The following KLHL15 variants were observed in gnomAD, a reference collection of about 807,000 sequenced individuals.
The protein encoded by KLHL15 is kelch-like protein 15.
A neutral mutation model predicts 29.3 loss-of-function variants in KLHL15; 1 was observed. The ratio of observed to expected loss-of-function variants is 0.03; its 90% CI spans 0.01 to 0.16. The LOEUF (loss-of-function observed/expected upper bound fraction) is 0.16. KLHL15 is among the 10% of genes least tolerant of loss of function. KLHL15 has a pLI of 1.00. For synonymous variants in KLHL15, 212 were observed against 184.5 expected, an observed-to-expected ratio of 1.15 and a Z score of -1.21; for missense variants, 215 against 478.5, an observed-to-expected ratio of 0.45 and a Z score of 5.14.
intron 3 of KLHL15, among the ~76,000 whole-genome samples, chrX:23,995,732 C>G (rs1283514551): frequency 1.9e-5 from 2 of 104,353 alleles, no homozygotes; most frequent in East Asian, 6.1e-4. Flanking sequence ...GCCTAGCCAG[C>G]CAATTTAAGA....
At chrX:23,991,052 A>G (rs772303866) in intron 3 of KLHL15, among the ~76,000 whole-genome samples, 14 of 110,313 alleles carry the variant, frequency 1.3e-4, no homozygotes, top group African/African-American at 4.3e-4. Context: ...CCAACTACAT[A>G]AGAGAGAAAA....
chrX:24,017,996 T>C (rs952774597), intron 2 of KLHL15, among the ~76,000 whole-genome samples: 2 of 110,053 alleles, frequency 1.8e-5, no homozygotes, highest in Non-Finnish European at 3.8e-5. Context: ...CCCCAGCTAC[T>C]TGGGAGGCTG....
At position 23,985,128 on chromosome X, in the gene KLHL15, C is replaced by A. The variant is rs1355618528; in HGVS notation, c.*2793G>T. The stretch of plus-strand genomic sequence containing the variant: ...AAGACACGGAAGAGAACAAATGGTT[C>A]TAATTAAGATGTAATTAATGAAGAT... On this transcript the variant is annotated 3_prime_UTR_variant, in exon 4 of 4. Coordinates refer to ENST00000328046, the MANE Select transcript of KLHL15 (RefSeq NM_030624.3). The A allele has an allele frequency of 8.9e-6, 1 of 111,864 alleles. No individual in the cohort carries two copies. Among genetic ancestry groups the A allele is most frequent in the African/African-American group, 3.2e-5 (1 of 30,875 alleles). 9.2% of individuals were successfully genotyped at this position (111,864 alleles called of 1,213,427 possible). A position where few individuals can be genotyped will look rare whatever the true frequency, so the allele number is the denominator to read the frequency against.
chrX:24,007,003 C>G (rs1001465103), intron 2 of KLHL15, among the ~76,000 whole-genome samples: 5 of 109,168 alleles, frequency 4.6e-5, no homozygotes, highest in Non-Finnish European at 9.5e-5. Flanking sequence ...GGCAAGATGG[C>G]AAATCCCTGT....
chrX:23,993,437 T>G (rs1440003732), intron 3 of KLHL15, among the ~76,000 whole-genome samples: 1 of 111,704 alleles, frequency 9.0e-6, no homozygotes, highest in African/African-American at 3.3e-5. Context: ...TGTTGAATTT[T>G]TGATGATGTA....
chrX:24,016,974 T>C (rs959814882), intron 2 of KLHL15, among the ~76,000 whole-genome samples: 3 of 110,903 alleles, frequency 2.7e-5, no homozygotes, highest in African/African-American at 6.6e-5. Flanking sequence ...ACTGACTTTT[T>C]ATTCAAGGTC....
intron 3 of KLHL15, among the ~76,000 whole-genome samples, chrX:24,003,647 ATGTGTGTGTGTGTGTG>A (rs10693389): frequency 2.1e-5 from 2 of 96,472 alleles, no homozygotes; most frequent in Non-Finnish European, 4.1e-5. Context: ...GCATAAATAT[ATGTGTGTGTGTGTGTG>A]TGTGTGTGTG....
chrX:23,991,288 G>A (rs1306593164), intron 3 of KLHL15, among the ~76,000 whole-genome samples: 1 of 105,729 alleles, frequency 9.5e-6, no homozygotes, highest in Non-Finnish European at 1.9e-5. Context: ...GGGAGGCAGA[G>A]GTTGTAGTGA....
chrX:23,992,258 T>C (rs755380395), intron 3 of KLHL15, among the ~76,000 whole-genome samples: 2 of 112,221 alleles, frequency 1.8e-5, no homozygotes, highest in South Asian at 7.4e-4. Flanking sequence ...AACCCTATGA[T>C]AGAAGTGAGA....
intron 3 of KLHL15, among the ~76,000 whole-genome samples, chrX:24,000,110 T>G (rs909434811): frequency 8.9e-6 from 1 of 112,041 alleles, no homozygotes; most frequent in African/African-American, 3.2e-5. Context: ...TGAAGGAGAT[T>G]TAGAACTTTT....
At chrX:24,018,678 G>A (rs1175976052) in intron 2 of KLHL15, among the ~76,000 whole-genome samples, 1 of 111,432 alleles carries the variant, frequency 9.0e-6, no homozygotes, top group Non-Finnish European at 1.9e-5. Flanking sequence ...GCTTCCCAAT[G>A]TCAAAATTAT....
At chrX:24,007,506 AAAATATATATATAT>A (rs1429276028) in intron 2 of KLHL15, among the ~76,000 whole-genome samples, 6 of 58,365 alleles carry the variant, frequency 1.0e-4, no homozygotes, top group South Asian at 2.7e-3. Flanking sequence ...AAAAAAAAAA[AAAATATATATATAT>A]ATATATATAT....
Position 23,988,089 on chromosome X carries a change from G to T in KLHL15, c.1647C>A (p.Gly549=). The T allele has an allele frequency of 2.5e-6, 3 of 1,210,696 alleles. No individual in the cohort carries two copies. Among genetic ancestry groups the T allele is most frequent in the Non-Finnish European group, 3.4e-6 (3 of 894,958 alleles). Residue 549 remains glycine (G), a synonymous_variant, in exon 4 of 4, where the codon GGC becomes GGA. Transcript: ENST00000328046. ...CGCTGTAATGACCATTATAACAAAGGCCTCCAAGAACCATTATTTGTTTGT... is the reference window on the plus strand; with the variant it reads ...CGCTGTAATGACCATTATAACAAAGTCCTCCAAGAACCATTATTTGTTTGT... ...VLDKQIMVLG[G]LCYNGHYSDS... is the part of the protein sequence containing the mutation.
At chrX:23,993,985 T>G (rs1200322948) in intron 3 of KLHL15, among the ~76,000 whole-genome samples, 2 of 100,001 alleles carry the variant, frequency 2.0e-5, no homozygotes, top group Non-Finnish European at 4.0e-5. Context: ...CAGGTTGAGG[T>G]TGCGTGAGCC....
intron 2 of KLHL15, among the ~76,000 whole-genome samples, chrX:24,017,716 G>A (rs1301968933): frequency 1.9e-5 from 2 of 103,500 alleles, no homozygotes; most frequent in African/African-American, 7.2e-5. Flanking sequence ...GGGAGGCCGA[G>A]GCTGCAATGA....
In KLHL15 at chrX:23,984,670, A is replaced by T. The variant is rs1041164103; in HGVS notation, c.*3251T>A. 3 of 112,774 alleles carry T rather than the reference A, an allele frequency of 2.7e-5. No individual in the cohort carries two copies. The highest frequency in any genetic ancestry group is 9.6e-5 in the African/African-American group (3 of 31,126). The allele number at this position is 112,774 out of a possible 1,213,427, so 9.3% of individuals were successfully genotyped here. A position where few individuals can be genotyped will look rare whatever the true frequency, so the allele number is the denominator to read the frequency against. ...CCTACACCCACATATACATATATAAAAATAGTCCCACTGAACGTTTGACAT... is the reference window on the plus strand; with the variant it reads ...CCTACACCCACATATACATATATAATAATAGTCCCACTGAACGTTTGACAT... On this transcript the variant is annotated 3_prime_UTR_variant, in exon 4 of 4. Coordinates refer to ENST00000328046, the MANE Select transcript of KLHL15 (RefSeq NM_030624.3).
chrX:24,012,922 T>C (rs1329730040), intron 2 of KLHL15, among the ~76,000 whole-genome samples: 1 of 111,816 alleles, frequency 8.9e-6, no homozygotes, highest in African/African-American at 3.3e-5. Flanking sequence ...CAAATTTTTA[T>C]TAGTACTCCA....
At chrX:23,994,634 C>T (rs1050832009) in intron 3 of KLHL15, among the ~76,000 whole-genome samples, 2 of 111,808 alleles carry the variant, frequency 1.8e-5, no homozygotes, top group African/African-American at 6.5e-5. Context: ...ATGGAAAGAA[C>T]GACATTTCTT....
chrX:23,993,417 C>T (rs1409928096), intron 3 of KLHL15, among the ~76,000 whole-genome samples: 2 of 111,516 alleles, frequency 1.8e-5, no homozygotes, highest in Non-Finnish European at 3.8e-5. Context: ...CCAAGGCTGA[C>T]TCAGTTTCCT....
Sources: allele counts gnomAD v4.1 joint callset (sites outside exome capture counted in the v4.1 genomes callset), GRCh38; gene constraint gnomAD v4.1.1; transcripts MANE v1.5; gene names NCBI Gene and HGNC (gene_info 2026-07-23, HGNC 2026-07-21).